FMR1NB: variants seen among roughly 807,000 people sequenced by gnomAD.
The protein encoded by FMR1NB is FMR1 neighbor protein.
FMR1NB carries 10 observed loss-of-function variants against 16.8 expected under a neutral mutation model. The ratio of observed to expected loss-of-function variants is 0.60; its 90% CI spans 0.37 to 1.01. The LOEUF (loss-of-function observed/expected upper bound fraction) is 1.01. FMR1NB is among the 50% of genes least tolerant of loss of function. The probability of loss-of-function intolerance (pLI) is 0.01; values close to 1 mark genes in which losing one functional copy is unlikely to be tolerated. For missense variants in FMR1NB, 205 were observed against 204.8 expected (o/e 1.00, Z 0.00); for synonymous variants, 83 against 79.1 (o/e 1.05, Z -0.26).
In FMR1NB at chrX:148,008,730, T is replaced by C. The variant is rs1603082401; in HGVS notation, c.632+19T>C. The C allele has an allele frequency of 8.5e-7, 1 of 1,175,392 alleles. No homozygotes were observed. Among genetic ancestry groups the C allele is most frequent in the Non-Finnish European group, 1.2e-6 (1 of 862,826 alleles). On this transcript the variant is annotated intron_variant, in intron 4 of 5. Coordinates refer to ENST00000370467, the MANE Select transcript of FMR1NB (RefSeq NM_152578.3). ...GGAGGAGGTAGGTGAACATAAACTT[T>C]TATTTGCTCGTTGCTAAGTATACAT...
intron 1 of FMR1NB, among the ~76,000 whole-genome samples, chrX:147,997,446 C>T (rs1192647911): frequency 8.9e-6 from 1 of 112,058 alleles, no homozygotes; most frequent in African/African-American, 3.2e-5. Context: ...ATACCTTATA[C>T]AAAAACTAAC....
In FMR1NB at chrX:147,996,870, G is replaced by A. The variant is rs782733306; in HGVS notation, c.278-6331G>A. ...TCTTTGTGACAAGGAAACATAATTC[G>A]TTCTTTAATATTTTCTGCTACCAAT... is the stretch of plus-strand genomic sequence containing the variant. On this transcript the variant is annotated intron_variant, in intron 1 of 5. Transcript: ENST00000370467. Among the ~76,000 whole-genome samples, 12 of 111,902 alleles carry A rather than the reference G, an allele frequency of 1.1e-4. No individual in the cohort carries two copies. The South Asian group carries it at 2.6e-3, about 24-fold the overall frequency.
intron 1 of FMR1NB, among the ~76,000 whole-genome samples, chrX:147,999,705 C>A (rs182217550): frequency 9.0e-6 from 1 of 111,417 alleles, no homozygotes; most frequent in East Asian, 2.8e-4. Flanking sequence ...GTAGTAAGCT[C>A]CATGAGGGCA....
rs2044692268 is a variant in FMR1NB, at chrX:148,024,099, C to G, written c.633-766C>G. On this transcript the variant is annotated intron_variant, in intron 4 of 5. Coordinates refer to ENST00000370467, the MANE Select transcript of FMR1NB (RefSeq NM_152578.3). ...CATAGGAAGTTTATCATACCTGCTG[C>G]TAGCCATTATTCACGAACACTGCAA... is the stretch of plus-strand genomic sequence containing the variant. 6.3e-5 allele frequency among the ~76,000 whole-genome samples: 7 copies of G among 111,956 alleles called. No individual in the cohort carries two copies. The Admixed American group carries it at 6.6e-4, about 11-fold the overall frequency.
In FMR1NB at chrX:148,025,159, T is replaced by C. The variant is rs1603090216; in HGVS notation, c.*13+146T>C. 3.0e-5 allele frequency: 18 copies of C among 603,332 alleles called. No homozygotes were observed. The East Asian group carries it at 6.6e-4, about 22-fold the overall frequency. 49.7% of individuals were successfully genotyped at this position (603,332 alleles called of 1,213,427 possible). On this transcript the variant is annotated intron_variant, in intron 5 of 5. Transcript: ENST00000370467. The stretch of plus-strand genomic sequence containing the variant: ...ACAGGAGGGCCAGCTTCTGAACAAA[T>C]ATTTATCACTAGAGATATTGAGATG...
chrX:147,994,237 A>G (rs2044530463), intron 1 of FMR1NB, among the ~76,000 whole-genome samples: 1 of 111,559 alleles, frequency 9.0e-6, no homozygotes, highest in African/African-American at 3.3e-5. Context: ...CCCACAGTCA[A>G]AGAGGGAGGC....
chrX:147,991,887 C>A (rs1384557046), intron 1 of FMR1NB, among the ~76,000 whole-genome samples: 1 of 107,791 alleles, frequency 9.3e-6, no homozygotes, highest in Non-Finnish European at 1.9e-5. Flanking sequence ...CTTCAAGCAT[C>A]TGTTTAACAA....
intron 4 of FMR1NB, among the ~76,000 whole-genome samples, chrX:148,017,772 G>A (rs1557190253): frequency 3.2e-5 from 3 of 93,727 alleles, no homozygotes; most frequent in African/African-American, 1.2e-4. Context: ...TCCCACCTAT[G>A]AGTGAGAATA....
At chrX:148,014,721 T>C (rs367774811) in intron 4 of FMR1NB, among the ~76,000 whole-genome samples, 117 of 111,757 alleles carry the variant, frequency 1.0e-3, no homozygotes, top group African/African-American at 3.6e-3. Flanking sequence ...CACGGCTTAC[T>C]GCAGCCTCGA....
At chrX:148,017,613 G>C (rs1330602065) in intron 4 of FMR1NB, among the ~76,000 whole-genome samples, 5 of 107,140 alleles carry the variant, frequency 4.7e-5, no homozygotes, top group Non-Finnish European at 9.6e-5. Context: ...GTGCAGGTTA[G>C]TTACATATGT....
chrX:147,983,449 T>C (rs1340103607), intron 1 of FMR1NB, among the ~76,000 whole-genome samples: 4 of 112,576 alleles, frequency 3.6e-5, no homozygotes, highest in Non-Finnish European at 1.9e-5. Context: ...TGAAATAGTA[T>C]CTCTTTATGG....
At chrX:148,014,937 G>A (rs1389528605) in intron 4 of FMR1NB, among the ~76,000 whole-genome samples, 1 of 111,966 alleles carries the variant, frequency 8.9e-6, no homozygotes, top group Non-Finnish European at 1.9e-5. Flanking sequence ...AAGCCAACAT[G>A]CCCAGCCCGT....
chrX:147,998,217 A>G (rs782263296), intron 1 of FMR1NB, among the ~76,000 whole-genome samples: 1 of 112,531 alleles, frequency 8.9e-6, no homozygotes, highest in South Asian at 3.7e-4. Flanking sequence ...ATGCCCATCA[A>G]TGATAGACTG....
At chrX:148,012,560 G>T (rs1376172756) in intron 4 of FMR1NB, among the ~76,000 whole-genome samples, 2 of 109,872 alleles carry the variant, frequency 1.8e-5, no homozygotes, top group East Asian at 2.8e-4. Context: ...ATTTTTTTTT[G>T]AAGATTGTAG....
chrX:147,998,994 G>C (rs2044557234), intron 1 of FMR1NB, among the ~76,000 whole-genome samples: 1 of 111,698 alleles, frequency 9.0e-6, no homozygotes, highest in African/African-American at 3.3e-5. Flanking sequence ...TCTATAAAGG[G>C]TGAAAACCTG....
chrX:148,006,886 A>T, intron 3 of FMR1NB, 44 bp downstream of exon 3: 1 of 1,139,195 alleles, frequency 8.8e-7, no homozygotes, highest in Non-Finnish European at 1.2e-6. Context: ...TTAATATTAA[A>T]TAAACAGATC....
chrX:148,018,324 C>A (rs1483899525), intron 4 of FMR1NB, among the ~76,000 whole-genome samples: 2 of 111,719 alleles, frequency 1.8e-5, no homozygotes, highest in Admixed American at 9.5e-5. Flanking sequence ...GTTTTTTTGG[C>A]TGCATAAATG....
chrX:147,983,658 A>G (rs1370471378), intron 1 of FMR1NB, among the ~76,000 whole-genome samples: 7 of 111,996 alleles, frequency 6.3e-5, no homozygotes, highest in Non-Finnish European at 1.3e-4. Flanking sequence ...TGATTTGCAA[A>G]TGTTTCCTCC....
intron 1 of FMR1NB, among the ~76,000 whole-genome samples, chrX:147,989,065 G>T (rs2044490722): frequency 9.0e-6 from 1 of 111,699 alleles, no homozygotes; most frequent in Non-Finnish European, 1.9e-5. Flanking sequence ...TGATCATTTG[G>T]AGGCGAAGAG....
Sources: allele counts gnomAD v4.1 joint callset (sites outside exome capture counted in the v4.1 genomes callset), GRCh38; gene constraint gnomAD v4.1.1; transcripts MANE v1.5; gene names NCBI Gene and HGNC (gene_info 2026-07-23, HGNC 2026-07-21).